The following FLVCR2 variants were observed in gnomAD, a reference collection of about 807,000 sequenced individuals.
FLVCR2 encodes FLVCR choline and putative heme transporter 2, also known as choline/ethanolamine transporter FLVCR2.
FLVCR2 carries 38 observed loss-of-function variants against 48.9 expected under a neutral mutation model. The ratio of observed to expected loss-of-function variants is 0.78; its 90% CI spans 0.60 to 1.02. The LOEUF is 1.02. Among genes scored for constraint, FLVCR2 ranks in the 50% least tolerant of loss-of-function variants. The pLI is 0.00. For synonymous variants in FLVCR2, 255 were observed against 257.0 expected (o/e 0.99, Z 0.07); for missense variants, 664 against 663.3 (o/e 1.00, Z -0.01).
At chr14:75,601,348 A>G (rs144319554) in intron 1 of FLVCR2, among the ~76,000 whole-genome samples, 156 of 152,372 alleles carry the variant, frequency 1.0e-3, no homozygotes, top group African/African-American at 3.6e-3. Flanking sequence ...CATTATGGAC[A>G]TATCACAGTG....
At position 75,624,722 on chromosome 14, in the gene FLVCR2, C is replaced by A. The variant is rs1208251618; in HGVS notation, c.922C>A (p.Leu308Ile). ...TTCCATCGCCCGGCTCTTCAAAAATCTCAACTTTGTGCTGCTTGTCATCAC... is the reference window on the plus strand; with the variant it reads ...TTCCATCGCCCGGCTCTTCAAAAATATCAACTTTGTGCTGCTTGTCATCAC... ...LGSIARLFKN[L>I]NFVLLVITYG... Residue 308 changes from leucine to isoleucine, a missense_variant, in exon 3 of 10, where the codon CTC (leucine) becomes ATC (isoleucine). Leu to Ile is a conservative substitution (Grantham distance 5, BLOSUM62 2). Transcript: ENST00000238667. 1.9e-6 allele frequency: 3 copies of A among 1,614,176 alleles called. No individual in the cohort carries two copies. The South Asian group carries it at 3.3e-5, about 18-fold the overall frequency.
At chr14:75,611,741 C>A (rs2140027644) in intron 1 of FLVCR2, among the ~76,000 whole-genome samples, 1 of 152,122 alleles carries the variant, frequency 6.6e-6, no homozygotes, top group South Asian at 2.1e-4. Context: ...GTCTCACAAA[C>A]AAACAAACAA....
At chr14:75,633,251 A>T (rs1212814664) in intron 3 of FLVCR2, among the ~76,000 whole-genome samples, 1 of 152,204 alleles carries the variant, frequency 6.6e-6, no homozygotes, top group Non-Finnish European at 1.5e-5. Flanking sequence ...GGGCAGGGTC[A>T]TCAGGAAGAG....
chr14:75,622,086 T>A lies in FLVCR2; in HGVS notation c.677T>A (p.Ile226Asn). The A allele has an allele frequency of 6.2e-7, 1 of 1,614,156 alleles. No individual in the cohort carries two copies. The highest frequency in any genetic ancestry group is 8.5e-7 in the Non-Finnish European group (1 of 1,180,042). ...SVAVFGNQLG[I>N]AIGFLVPPVL... ...TGTCTCTGTCTTCTATAGCTTGGAA[T>A]TGCGATTGGGTTCTTGGTCCCTCCT... is the stretch of plus-strand genomic sequence containing the variant. Residue 226 changes from isoleucine to asparagine, a missense_variant, in exon 2 of 10, where the codon ATT (isoleucine) becomes AAT (asparagine). Coordinates refer to ENST00000238667, the MANE Select transcript of FLVCR2 (RefSeq NM_017791.3).
Position 75,579,014 on chromosome 14 carries a change from C to A in FLVCR2, c.42C>A (p.Thr14=). Residue 14 remains threonine, a synonymous_variant, in exon 1 of 10, where the codon ACC becomes ACA. Coordinates refer to ENST00000238667, the MANE Select transcript of FLVCR2 (RefSeq NM_017791.3). The part of the protein sequence containing the change: ...EGPNQEESDD[T]PVPESALQAD... ...CCAACCAGGAAGAGAGCGATGACAC[C>A]CCTGTGCCGGAGTCCGCACTCCAAG... is the stretch of plus-strand genomic sequence containing the variant. 6.2e-7 allele frequency: 1 copy of A among 1,614,056 alleles called. No individual in the cohort carries two copies. Among genetic ancestry groups the A allele is most frequent in the Non-Finnish European group, 8.5e-7 (1 of 1,179,978 alleles).
intron 3 of FLVCR2, among the ~76,000 whole-genome samples, chr14:75,626,527 G>A (rs1889904023): frequency 1.3e-5 from 2 of 151,816 alleles, no homozygotes; most frequent in Admixed American, 1.3e-4. Context: ...TCAAGATCTT[G>A]GTCCTCCGTT....
intron 3 of FLVCR2, among the ~76,000 whole-genome samples, chr14:75,628,528 T>A (rs924964255): frequency 1.3e-5 from 2 of 152,232 alleles, no homozygotes; most frequent in Admixed American, 1.3e-4. Context: ...CACATAGTGT[T>A]CATATTTAGC....
At position 75,647,140 on chromosome 14, in the gene FLVCR2, A is replaced by G. The variant is rs527890179; in HGVS notation, c.*668A>G. 8 of 156,478 alleles carry G rather than the reference A, an allele frequency of 5.1e-5. No homozygotes were observed. The highest frequency in any genetic ancestry group is 1.9e-4 in the African/African-American group (8 of 41,582). 9.7% of individuals were successfully genotyped at this position (156,478 alleles called of 1,614,324 possible). On this transcript the variant is annotated 3_prime_UTR_variant, in exon 10 of 10. Transcript: ENST00000238667. ...TGTTGTGGCCATGACAGAGATACCG[A>G]CTCAGGAGGGCTACCTACCTAGGTG...
chr14:75,627,551 T>C (rs1290546574), intron 3 of FLVCR2, among the ~76,000 whole-genome samples: 3 of 152,206 alleles, frequency 2.0e-5, no homozygotes, highest in Non-Finnish European at 4.4e-5. Flanking sequence ...AACTGTCTCA[T>C]AGCCATTGGA....
At chr14:75,588,622 G>A (rs2140006900) in intron 1 of FLVCR2, among the ~76,000 whole-genome samples, 1 of 152,258 alleles carries the variant, frequency 6.6e-6, no homozygotes, top group Non-Finnish European at 1.5e-5. Flanking sequence ...GGGATTACAG[G>A]CACCTGTCAC....
chr14:75,579,296 C>CA lies in FLVCR2; in HGVS notation c.326dup (p.Asn109LysfsTer2). On this transcript the variant is annotated frameshift_variant, in exon 1 of 10. Coordinates refer to ENST00000238667, the MANE Select transcript of FLVCR2 (RefSeq NM_017791.3). LOFTEE classifies it high-confidence loss of function. ...TTCAGTGGATCCAGTACGGCTCCAT[C>CA]AATAACATCTTCATGCACTTCTACG... The CA allele has an allele frequency of 1.9e-6, 3 of 1,614,232 alleles. No individual in the cohort carries two copies. The highest frequency in any genetic ancestry group is 2.5e-6 in the Non-Finnish European group (3 of 1,180,030).
chr14:75,645,413 T>C (rs1594819045), intron 9 of FLVCR2, among the ~76,000 whole-genome samples: 1 of 152,206 alleles, frequency 6.6e-6, no homozygotes, highest in East Asian at 1.9e-4. Context: ...CTTAAAACAG[T>C]AGACAAAGGC....
intron 9 of FLVCR2, among the ~76,000 whole-genome samples, chr14:75,642,401 G>A (rs548980203): frequency 6.6e-6 from 1 of 152,344 alleles, no homozygotes. Flanking sequence ...GGCTCTGAAA[G>A]GACAAGTCAG....
rs375836799 is a variant in FLVCR2, at chr14:75,592,517, G to A, written c.669+12876G>A. On this transcript the variant is annotated intron_variant, in intron 1 of 9. Coordinates refer to ENST00000238667, the MANE Select transcript of FLVCR2 (RefSeq NM_017791.3). ...CTCTTTAGCAAAAGGTCCCTTGGCT[G>A]CACCCTTAGATTCCTCTTCTGAAAA... Among the ~76,000 whole-genome samples, 3 of 152,286 alleles carry A rather than the reference G, an allele frequency of 2.0e-5. No individual in the cohort carries two copies. In the South Asian group the frequency reaches 6.2e-4, roughly 32 times the overall value.
At chr14:75,619,542 TA>T (rs1289089520) in intron 1 of FLVCR2, among the ~76,000 whole-genome samples, 1 of 151,964 alleles carries the variant, frequency 6.6e-6, no homozygotes, top group Non-Finnish European at 1.5e-5. Context: ...AACAGACCTA[TA>T]TACTAGGAAC....
rs878975454 is a variant in FLVCR2, at chr14:75,596,248, ACTGT to A, written c.669+16611_669+16614del. ...CAGACAGCCAGGGAGGAAAAGCATGACTGTCTGCTTTCTAGCCTCCTATTGTGCA... is the reference window on the plus strand; with the variant it reads ...CAGACAGCCAGGGAGGAAAAGCATGACTGCTTTCTAGCCTCCTATTGTGCA... On this transcript the variant is annotated intron_variant, in intron 1 of 9. Coordinates refer to ENST00000238667, the MANE Select transcript of FLVCR2 (RefSeq NM_017791.3). 1.8e-4 allele frequency: 109 copies of A among 600,730 alleles called. No individual in the cohort carries two copies. The South Asian group carries it at 2.0e-3, about 11-fold the overall frequency. The allele number at this position is 600,730 out of a possible 1,614,324, so 37.2% of individuals were successfully genotyped here.
intron 3 of FLVCR2, among the ~76,000 whole-genome samples, chr14:75,632,226 C>T (rs1177064852): frequency 6.6e-6 from 1 of 152,198 alleles, no homozygotes; most frequent in African/African-American, 2.4e-5. Context: ...GATTGCAAAG[C>T]AAATTATTTC....
intron 1 of FLVCR2, among the ~76,000 whole-genome samples, chr14:75,602,537 T>A (rs1409435909): frequency 6.6e-6 from 1 of 152,022 alleles, no homozygotes; most frequent in East Asian, 1.9e-4. Flanking sequence ...GATATTCCTA[T>A]CACTCAGGAA....
intron 1 of FLVCR2, among the ~76,000 whole-genome samples, chr14:75,593,495 C>A (rs572991153): frequency 1.9e-3 from 296 of 152,262 alleles, no homozygotes; most frequent in Non-Finnish European, 3.6e-3. Flanking sequence ...TTAAAACAAC[C>A]CACTATCATG....
Sources: gnomAD v4.1 joint callset for allele counts (sites outside exome capture counted in the v4.1 genomes callset) on GRCh38, gnomAD v4.1.1 for gene constraint, MANE v1.5 for transcripts, NCBI Gene and HGNC (gene_info 2026-07-23, HGNC 2026-07-21) for gene names.